The following CDH13 variants were observed in gnomAD, a reference collection of about 807,000 sequenced individuals.
The protein encoded by CDH13 is cadherin-13.
Under a neutral mutation model 63.8 loss-of-function variants are expected in CDH13, and 24 were observed. The ratio of observed to expected loss-of-function variants is 0.38; its 90% confidence interval spans 0.27 to 0.53. CDH13 has a LOEUF of 0.53. Among genes scored for constraint, CDH13 ranks in the 20% least tolerant of loss-of-function variants. CDH13 has a pLI of 0.85. For synonymous variants in CDH13, 503 were observed against 355.3 expected, an observed-to-expected ratio of 1.42 and a Z score of -4.67; for missense variants, 1,049 against 903.1, an observed-to-expected ratio of 1.16 and a Z score of -2.07.
intron 7 of CDH13, among the ~76,000 whole-genome samples, chr16:83,538,427 G>C (rs546587725): frequency 5.9e-4 from 90 of 152,336 alleles, no homozygotes; most frequent in African/African-American, 2.0e-3. Flanking sequence ...TGTTGATCTA[G>C]TGGAGGCGGA....
intron 1 of CDH13, among the ~76,000 whole-genome samples, chr16:82,685,443 C>T (rs996135718): frequency 6.6e-6 from 1 of 152,214 alleles, no homozygotes; most frequent in Non-Finnish European, 1.5e-5. Flanking sequence ...TGCCTCCTAA[C>T]ACTATCACCT....
At position 82,917,934 on chromosome 16, in the gene CDH13, G is replaced by GAAAAAAAAAAAAA; in HGVS notation, c.157+59461_157+59462insAAAAAAAAAAAAA. On this transcript the variant is annotated intron_variant, in intron 2 of 13. Transcript: ENST00000567109. ...CATGTCAAAAAAAAAAAAAAAAAAG[G>GAAAAAAAAAAAAA]CATGTAAAGTAAATGGATGCACATG... Among the ~76,000 whole-genome samples, 8 of 60,034 alleles carry GAAAAAAAAAAAAA rather than the reference G, an allele frequency of 1.3e-4. 1 individual carries two copies. Among genetic ancestry groups the GAAAAAAAAAAAAA allele is most frequent in the African/African-American group, 3.6e-4 (7 of 19,206 alleles). 39.4% of individuals were successfully genotyped at this position (60,034 alleles called of 152,430 possible).
At chr16:82,679,375 A>G (rs1914293196) in intron 1 of CDH13, among the ~76,000 whole-genome samples, 1 of 152,244 alleles carries the variant, frequency 6.6e-6, no homozygotes, top group Non-Finnish European at 1.5e-5. Flanking sequence ...GCAGGGAGCA[A>G]GAACTGTCCA....
chr16:83,780,305 G>C (rs1038970224), intron 12 of CDH13, 104 bp downstream of exon 12: 3 of 749,122 alleles, frequency 4.0e-6, no homozygotes, highest in African/African-American at 1.8e-5. Flanking sequence ...TTCTCATTTG[G>C]TTCATTTTAA....
intron 2 of CDH13, among the ~76,000 whole-genome samples, chr16:83,000,127 C>G (rs1256855718): frequency 6.7e-6 from 1 of 149,744 alleles, no homozygotes; most frequent in African/African-American, 2.5e-5. Flanking sequence ...GCGTTTGGTA[C>G]CTGGTAAGTG....
At chr16:83,497,472 G>A (rs2074172524) in intron 7 of CDH13, among the ~76,000 whole-genome samples, 1 of 140,722 alleles carries the variant, frequency 7.1e-6, no homozygotes, top group African/African-American at 2.6e-5. Context: ...GAAATCACAT[G>A]GACACAGGAA....
At chr16:82,831,660 T>C (rs1423087614) in intron 1 of CDH13, among the ~76,000 whole-genome samples, 2 of 152,244 alleles carry the variant, frequency 1.3e-5, no homozygotes, top group African/African-American at 2.4e-5. Context: ...ATTTCACTTA[T>C]GAGACAGAAG....
intron 3 of CDH13, among the ~76,000 whole-genome samples, chr16:83,107,914 G>A (rs2034855469): frequency 6.6e-6 from 1 of 151,874 alleles, no homozygotes; most frequent in Non-Finnish European, 1.5e-5. Context: ...CCGCCTGCTG[G>A]ATTCAAGCAA....
intron 4 of CDH13, among the ~76,000 whole-genome samples, chr16:83,179,538 G>C (rs1443332410): frequency 6.7e-6 from 1 of 150,208 alleles, no homozygotes; most frequent in East Asian, 1.9e-4. Flanking sequence ...TGTAGTCCCA[G>C]CTACTCGGGA....
intron 1 of CDH13, among the ~76,000 whole-genome samples, chr16:82,751,985 A>G (rs1189298726): frequency 6.6e-6 from 1 of 152,254 alleles, no homozygotes; most frequent in Admixed American, 6.5e-5. Context: ...CTAAACGCCA[A>G]CAAACAATGA....
At chr16:82,818,552 G>A (rs929760992) in intron 1 of CDH13, among the ~76,000 whole-genome samples, 8 of 152,174 alleles carry the variant, frequency 5.3e-5, no homozygotes, top group African/African-American at 1.9e-4. Context: ...AGGATGGGTA[G>A]GAGTTTTTTA....
rs1278953943 is a variant in CDH13 at position 83,047,315 on chromosome 16, TC to T, written c.366+15099del. ...ATCTAATCAAAATGCATTATTTCTG[TC>T]CTTGCATTGTCCATTCTCGTAAACC... On this transcript the variant is annotated intron_variant, in intron 3 of 13. Transcript: ENST00000567109. The surrounding 1 kb of genome is among the most constrained non-coding windows in gnomAD (Gnocchi z 4.9). Among the ~76,000 whole-genome samples the T allele has an allele frequency of 1.3e-5, 2 of 152,226 alleles. No homozygotes were observed. The highest frequency in any genetic ancestry group is 6.5e-5 in the Admixed American group (1 of 15,270).
At chr16:83,456,327 T>C (rs1030297397) in intron 6 of CDH13, among the ~76,000 whole-genome samples, 2 of 152,168 alleles carry the variant, frequency 1.3e-5, no homozygotes, top group Admixed American at 6.5e-5. Flanking sequence ...AAGGGACTGG[T>C]TGAGCACAGT....
At chr16:82,901,983 A>G (rs1013231487) in intron 2 of CDH13, among the ~76,000 whole-genome samples, 25 of 152,208 alleles carry the variant, frequency 1.6e-4, no homozygotes, top group African/African-American at 6.0e-4. Context: ...GATAAAGCTG[A>G]GATTTCTTTT....
At chr16:83,447,921 G>T in intron 6 of CDH13, among the ~76,000 whole-genome samples, 2 of 152,032 alleles carry the variant, frequency 1.3e-5, no homozygotes, top group African/African-American at 2.4e-5. Flanking sequence ...TGCAGAAGTT[G>T]CCCCACCTCT....
At chr16:83,500,732 C>G (rs917004494) in intron 7 of CDH13, among the ~76,000 whole-genome samples, 2 of 150,266 alleles carry the variant, frequency 1.3e-5, no homozygotes, top group Non-Finnish European at 3.0e-5. Context: ...CACCCACCAT[C>G]TTGCCCGGCT....
intron 2 of CDH13, among the ~76,000 whole-genome samples, chr16:82,953,009 G>A (rs562423752): frequency 1.6e-4 from 25 of 152,300 alleles, no homozygotes; most frequent in Admixed American, 5.2e-4. Flanking sequence ...TGAACATACT[G>A]CCAGCAAGTG....
At chr16:82,657,329 A>G (rs1003798611) in intron 1 of CDH13, among the ~76,000 whole-genome samples, 2 of 152,246 alleles carry the variant, frequency 1.3e-5, no homozygotes, top group African/African-American at 4.8e-5. Flanking sequence ...AATCTGTTGT[A>G]GCGCACTCAC....
chr16:83,172,692 G>A (rs1430799506), intron 4 of CDH13, among the ~76,000 whole-genome samples: 1 of 151,964 alleles, frequency 6.6e-6, no homozygotes, highest in African/African-American at 2.4e-5. Flanking sequence ...ATCACTGTGA[G>A]ACAATCAATT....
Sources: allele counts gnomAD v4.1 joint callset (sites outside exome capture counted in the v4.1 genomes callset), GRCh38; gene constraint gnomAD v4.1.1; non-coding constraint Gnocchi (gnomAD v3.1); transcripts MANE v1.5; gene names NCBI Gene and HGNC (gene_info 2026-07-23, HGNC 2026-07-21).